DPP10: variants seen among roughly 807,000 people sequenced by gnomAD.
The protein encoded by DPP10 is dipeptidyl peptidase like 10.
DPP10 carries 33 observed loss-of-function variants against 120.9 expected under a neutral mutation model. The ratio of observed to expected loss-of-function variants is 0.27; its 90% confidence interval spans 0.21 to 0.37. DPP10 has a LOEUF of 0.37. DPP10 is among the 10% of genes least tolerant of loss of function. DPP10 has a pLI of 1.00. For synonymous variants in DPP10, 337 were observed against 326.1 expected, an observed-to-expected ratio of 1.03 and a Z score of -0.36; for missense variants, 816 against 942.8, an observed-to-expected ratio of 0.87 and a Z score of 1.76.
intron 1 of DPP10, among the ~76,000 whole-genome samples, chr2:115,088,200 C>G (rs1708886820): frequency 6.6e-6 from 1 of 152,108 alleles, no homozygotes; most frequent in Non-Finnish European, 1.5e-5. Context: ...AAAGGCCTTG[C>G]CTCCTAACAC....
chr2:115,225,669 TAATA>T (rs1484862819), intron 1 of DPP10, among the ~76,000 whole-genome samples: 2 of 152,114 alleles, frequency 1.3e-5, no homozygotes, highest in Non-Finnish European at 2.9e-5. Context: ...GAGATGAACA[TAATA>T]AATCAAGTAT....
chr2:115,440,044 G>A (rs1166640601), intron 3 of DPP10, among the ~76,000 whole-genome samples: 1 of 151,930 alleles, frequency 6.6e-6, no homozygotes, highest in African/African-American at 2.4e-5. Flanking sequence ...TTTTCATTTT[G>A]TAAATTAACT....
In DPP10 at chr2:114,890,301, A is replaced by G. The variant is rs573117044; in HGVS notation, c.61-418938A>G. Among the ~76,000 whole-genome samples, 48 of 152,298 alleles carry G rather than the reference A, an allele frequency of 3.2e-4. 1 individual carries two copies. The highest frequency in any genetic ancestry group is 3.1e-3 in the Admixed American group (48 of 15,302). On this transcript the variant is annotated intron_variant, in intron 1 of 25. Coordinates refer to ENST00000410059, the MANE Select transcript of DPP10 (RefSeq NM_020868.6). ...GAAAACATACTGCTCAAGAAATAGG[A>G]GATAGTTGGGGAAAAGGCAATTTAT...
At chr2:115,379,487 T>A (rs1420717744) in intron 3 of DPP10, among the ~76,000 whole-genome samples, 10 of 152,304 alleles carry the variant, frequency 6.6e-5, no homozygotes, top group African/African-American at 2.2e-4. Flanking sequence ...ATTTTGTTGA[T>A]CCTTTCAAAA....
At chr2:115,422,131 T>C (rs1267530169) in intron 3 of DPP10, among the ~76,000 whole-genome samples, 2 of 152,086 alleles carry the variant, frequency 1.3e-5, no homozygotes, top group South Asian at 2.1e-4. Flanking sequence ...GGGAAAATTG[T>C]TGATGCAAAG....
At chr2:114,557,476 T>C (rs1688418439) in intron 1 of DPP10, among the ~76,000 whole-genome samples, 1 of 152,190 alleles carries the variant, frequency 6.6e-6, no homozygotes, top group Non-Finnish European at 1.5e-5. Flanking sequence ...ATAAATGGCT[T>C]CAGAAAGCTG....
At chr2:115,147,683 G>T (rs1425087015) in intron 1 of DPP10, among the ~76,000 whole-genome samples, 2 of 152,080 alleles carry the variant, frequency 1.3e-5, no homozygotes, top group Non-Finnish European at 2.9e-5. Context: ...AAAAATATAA[G>T]AATATAAATG....
chr2:115,595,489 C>A (rs1286506368), intron 5 of DPP10, among the ~76,000 whole-genome samples: 1 of 152,010 alleles, frequency 6.6e-6, no homozygotes, highest in African/African-American at 2.4e-5. Context: ...AAGAGCAGAT[C>A]AATGTTCCAA....
intron 1 of DPP10, among the ~76,000 whole-genome samples, chr2:114,788,945 A>G (rs1055726165): frequency 8.5e-5 from 13 of 152,154 alleles, no homozygotes; most frequent in Non-Finnish European, 1.8e-4. Flanking sequence ...TGAGGATAAT[A>G]AAGTGGATGA....
At chr2:115,829,498 T>A (rs941529219) in intron 21 of DPP10, among the ~76,000 whole-genome samples, 3 of 152,176 alleles carry the variant, frequency 2.0e-5, no homozygotes, top group African/African-American at 7.2e-5. Flanking sequence ...GGCTCACCTG[T>A]TCTATTATCT....
At chr2:114,897,989 C>T (rs894141148) in intron 1 of DPP10, among the ~76,000 whole-genome samples, 8 of 152,144 alleles carry the variant, frequency 5.3e-5, no homozygotes, top group South Asian at 2.1e-4. Context: ...CCAGCCATTC[C>T]GTTACTGGGT....
chr2:115,707,839 A>G (rs1377601186), intron 7 of DPP10, among the ~76,000 whole-genome samples: 1 of 151,892 alleles, frequency 6.6e-6, no homozygotes, highest in African/African-American at 2.4e-5. Flanking sequence ...ACATTCCCCC[A>G]AAACAAAAAT....
chr2:115,156,699 C>T lies in DPP10; in HGVS notation c.61-152540C>T, dbSNP rs376552481. Among the ~76,000 whole-genome samples, 74 of 152,274 alleles carry T rather than the reference C, an allele frequency of 4.9e-4. 1 individual carries two copies. Among genetic ancestry groups the T allele is most frequent in the African/African-American group, 1.1e-3 (45 of 41,542 alleles). ...GGAATAAAGGAAGATTATTTTGAAT[C>T]ATTAGGGAATCTTGTCTTGGTTATG... On this transcript the variant is annotated intron_variant, in intron 1 of 25. Coordinates refer to ENST00000410059, the MANE Select transcript of DPP10 (RefSeq NM_020868.6).
chr2:115,160,693 C>T (rs1378887621), intron 1 of DPP10, among the ~76,000 whole-genome samples: 3 of 152,172 alleles, frequency 2.0e-5, no homozygotes, highest in Admixed American at 2.0e-4. Context: ...CTTTAGGCGC[C>T]CTAGGGAAAG....
chr2:115,138,097 A>G, intron 1 of DPP10, among the ~76,000 whole-genome samples: 1 of 152,228 alleles, frequency 6.6e-6, no homozygotes, highest in African/African-American at 2.4e-5. Flanking sequence ...TTGCATTTCC[A>G]AAAGTTATAT....
chr2:114,585,852 C>T (rs760433215), intron 1 of DPP10, among the ~76,000 whole-genome samples: 2 of 152,060 alleles, frequency 1.3e-5, no homozygotes, highest in Non-Finnish European at 2.9e-5. Context: ...GTTGGTAAAG[C>T]CTCAAGAAGG....
At chr2:115,383,954 CAAATAT>C (rs1428107352) in intron 3 of DPP10, among the ~76,000 whole-genome samples, 1 of 151,984 alleles carries the variant, frequency 6.6e-6, no homozygotes, top group African/African-American at 2.4e-5. Context: ...AAGAAATAAC[CAAATAT>C]AAAGTATCTG....
intron 1 of DPP10, among the ~76,000 whole-genome samples, chr2:114,965,425 C>T (rs74429806): frequency 3.0e-4 from 45 of 152,162 alleles, no homozygotes; most frequent in South Asian, 2.1e-4. Flanking sequence ...CCTGATCCAC[C>T]GTGCCTGGCC....
intron 1 of DPP10, among the ~76,000 whole-genome samples, chr2:114,860,828 G>A (rs940907421): frequency 2.6e-5 from 4 of 152,126 alleles, no homozygotes; most frequent in African/African-American, 9.7e-5. Context: ...CTCATTTAAA[G>A]AGTATTTAAT....
Sources: allele counts gnomAD v4.1 joint callset (sites outside exome capture counted in the v4.1 genomes callset), GRCh38; gene constraint gnomAD v4.1.1; transcripts MANE v1.5; gene names NCBI Gene and HGNC (gene_info 2026-07-23, HGNC 2026-07-21).